Variants in DSE observed in about 807,000 individuals in gnomAD.
DSE encodes dermatan sulfate epimerase, also known as dermatan-sulfate epimerase.
In DSE, 36 loss-of-function variants were observed where a neutral mutation model predicts 84.4. That is an observed-to-expected ratio of 0.43 (90% CI 0.33 to 0.56). The LOEUF is 0.56. Among genes scored for constraint, DSE ranks in the 20% least tolerant of loss-of-function variants. The pLI, the probability that DSE is intolerant of heterozygous loss-of-function variation, is 0.06. For missense variants in DSE, 862 were observed against 1,169.6 expected (o/e 0.74, Z 3.84); for synonymous variants, 410 against 430.1 (o/e 0.95, Z 0.58).
At chr6:116,411,627 A>T (rs1263335163) in intron 2 of DSE, among the ~76,000 whole-genome samples, 1 of 152,258 alleles carries the variant, frequency 6.6e-6, no homozygotes, top group Admixed American at 6.5e-5. Flanking sequence ...GGAAATGAAG[A>T]GATAAGAATA....
intron 1 of DSE, among the ~76,000 whole-genome samples, chr6:116,395,286 ATGG>A (rs1484461361): frequency 4.6e-5 from 7 of 152,176 alleles, no homozygotes; most frequent in African/African-American, 1.4e-4. Context: ...TTAGCTGGGC[ATGG>A]TGGTGGGTGC....
intron 2 of DSE, among the ~76,000 whole-genome samples, chr6:116,405,095 A>G (rs1781836299): frequency 6.6e-6 from 1 of 151,930 alleles, no homozygotes; most frequent in South Asian, 2.1e-4. Flanking sequence ...ATATAATTAT[A>G]AAATATAAAG....
chr6:116,409,762 C>T (rs1782192941), intron 2 of DSE, among the ~76,000 whole-genome samples: 1 of 152,130 alleles, frequency 6.6e-6, no homozygotes, highest in African/African-American at 2.4e-5. Flanking sequence ...TGGGAAACTA[C>T]AGTGTGTAAT....
chr6:116,410,954 T>C (rs756991934), intron 2 of DSE, among the ~76,000 whole-genome samples: 4 of 152,084 alleles, frequency 2.6e-5, no homozygotes, highest in Non-Finnish European at 4.4e-5. Flanking sequence ...GAATTTTCTT[T>C]ATGGGATGGT....
chr6:116,416,830 T>C (rs537200042), intron 2 of DSE, among the ~76,000 whole-genome samples: 2 of 152,192 alleles, frequency 1.3e-5, no homozygotes, highest in African/African-American at 2.4e-5. Flanking sequence ...GACTGAGTGA[T>C]AACATCAAAA....
At chr6:116,278,945 G>A in intron 2 of DSE, 1 of 1,614,024 alleles carries the variant, frequency 6.2e-7, no homozygotes, top group Non-Finnish European at 8.5e-7. Flanking sequence ...TCTGCATCTT[G>A]GCCCCTAATC....
At chr6:116,357,820 G>A (rs1011556053) in intron 2 of DSE, among the ~76,000 whole-genome samples, 2 of 152,226 alleles carry the variant, frequency 1.3e-5, no homozygotes, top group African/African-American at 2.4e-5. Flanking sequence ...GCGTGCGCAC[G>A]TGTGTGTGTA....
intron 2 of DSE, among the ~76,000 whole-genome samples, chr6:116,298,201 T>C (rs1030453694): frequency 2.0e-5 from 3 of 152,184 alleles, no homozygotes; most frequent in Non-Finnish European, 4.4e-5. Context: ...CCACATGTGG[T>C]AGGCAGAATA....
Position 116,433,515 on chromosome 6 carries a change from G to A in DSE, c.1083G>A (p.Gly361=). 2 of 1,575,314 alleles carry A rather than the reference G, an allele frequency of 1.3e-6. No homozygotes were observed. The highest frequency in any genetic ancestry group is 8.6e-7 in the Non-Finnish European group (1 of 1,158,616). ...VVEGPGTPSK[G]QRWCTLHTEF... ...AAGGTCCAGGAACACCATCCAAAGG[G>A]CAGCGCTGGTGCACTCTGCACACAG... is the stretch of plus-strand genomic sequence containing the variant. The change falls in exon 5 of 6, where the codon GGG becomes GGA. Residue 361 remains glycine (G), a synonymous_variant. Transcript: ENST00000644252.
At chr6:116,310,019 A>C (rs9488897) in intron 2 of DSE, among the ~76,000 whole-genome samples, 3,348 of 152,234 alleles carry the variant, frequency 0.022, 121 homozygotes, top group African/African-American at 0.076. Context: ...TTTGCCAACT[A>C]TTAGAGTTTA....
At chr6:116,431,675 G>A (rs522940) in intron 4 of DSE, among the ~76,000 whole-genome samples, 77 of 152,048 alleles carry the variant, frequency 5.1e-4, no homozygotes, top group African/African-American at 1.8e-3. Context: ...CTTTAGTATT[G>A]TAATATTTTA....
intron 2 of DSE, among the ~76,000 whole-genome samples, chr6:116,271,565 C>A (rs1468764554): frequency 1.3e-5 from 2 of 152,108 alleles, no homozygotes. Flanking sequence ...CTTCAATGAC[C>A]AGAGGATGAC....
At chr6:116,372,636 A>G (rs1041008041) in intron 1 of DSE, among the ~76,000 whole-genome samples, 21 of 152,222 alleles carry the variant, frequency 1.4e-4, no homozygotes, top group Non-Finnish European at 2.9e-5. Context: ...AGATTTCTGT[A>G]TTGTGACCTC....
chr6:116,348,166 G>A (rs1040183703), intron 2 of DSE, among the ~76,000 whole-genome samples: 2 of 152,174 alleles, frequency 1.3e-5, no homozygotes, highest in East Asian at 1.9e-4. Context: ...GGTGGCTCAC[G>A]CCTGTAATCC....
In DSE at chr6:116,443,732, A is replaced by AG. The variant is rs1212878940; in HGVS notation, c.*6387_*6388insG. 6.6e-6 allele frequency: 1 copy of AG among 152,232 alleles called. No homozygotes were observed. Among genetic ancestry groups the AG allele is most frequent in the Non-Finnish European group, 1.5e-5 (1 of 68,038 alleles). 9.4% of individuals were successfully genotyped at this position (152,232 alleles called of 1,614,324 possible). A position where few individuals can be genotyped will look rare whatever the true frequency, so the allele number is the denominator to read the frequency against. On this transcript the variant is annotated 3_prime_UTR_variant, in exon 6 of 6. Transcript: ENST00000644252. ...AGAATTTCTTAAGAAAAGAGCTTCT[A>AG]AAAACATTCAGTCAGCCCAGCACAT...
intron 3 of DSE, 133 bp from the exon 4 acceptor site, chr6:116,430,821 C>G (rs1783783662): frequency 1.6e-6 from 2 of 1,216,696 alleles, no homozygotes; most frequent in Admixed American, 5.0e-5. Flanking sequence ...TATACACTGA[C>G]AAGTTGGAGT....
chr6:116,272,169 T>C (rs1772910288), intron 2 of DSE, among the ~76,000 whole-genome samples: 1 of 152,248 alleles, frequency 6.6e-6, no homozygotes, highest in African/African-American at 2.4e-5. Flanking sequence ...TGGTGTTCCA[T>C]TGTATGAATA....
chr6:116,308,237 T>G (rs1775463989), intron 2 of DSE, among the ~76,000 whole-genome samples: 1 of 152,226 alleles, frequency 6.6e-6, no homozygotes, highest in Non-Finnish European at 1.5e-5. Context: ...TTGTATGTTG[T>G]AAGAGTTGGA....
chr6:116,319,104 T>C lies in DSE; in HGVS notation c.-54+60137T>C, dbSNP rs141620282. Among the ~76,000 whole-genome samples the C allele has an allele frequency of 9.2e-5, 14 of 152,356 alleles. No individual in the cohort carries two copies. In the East Asian group the frequency reaches 2.5e-3, roughly 27 times the overall value. On this transcript the variant is annotated intron_variant, in intron 2 of 3. Coordinates refer to the DSE transcript ENST00000430252. ...CTTTCTTTACTTTTTCTAAGCACTT[T>C]GACATAGTACTATCCATTTATTTTC...
Sources: gnomAD v4.1 joint callset for allele counts (sites outside exome capture counted in the v4.1 genomes callset) on GRCh38, gnomAD v4.1.1 for gene constraint, MANE v1.5 for transcripts, NCBI Gene and HGNC (gene_info 2026-07-23, HGNC 2026-07-21) for gene names.